The following COL25A1 variants were observed in gnomAD, a reference collection of about 807,000 sequenced individuals.
COL25A1 encodes collagen type XXV alpha 1 chain.
A neutral mutation model predicts 128.4 loss-of-function variants in COL25A1; 103 were observed. That is an observed-to-expected ratio of 0.80 (90% CI 0.68 to 0.94). The LOEUF is 0.94. COL25A1 is among the 40% of genes least tolerant of loss of function. The pLI is 0.00. For synonymous variants in COL25A1, 279 were observed against 277.2 expected (o/e 1.01, Z -0.06); for missense variants, 745 against 840.0 (o/e 0.89, Z 1.40).
intron 3 of COL25A1, among the ~76,000 whole-genome samples, chr4:109,185,911 A>G (rs1775089637): frequency 1.3e-5 from 2 of 152,184 alleles, no homozygotes; most frequent in African/African-American, 4.8e-5. Flanking sequence ...CTAGATCTGG[A>G]CGACTTCCAG....
intron 5 of COL25A1, among the ~76,000 whole-genome samples, chr4:109,034,241 G>C (rs1489846456): frequency 6.6e-6 from 1 of 152,124 alleles, no homozygotes; most frequent in Admixed American, 6.5e-5. Flanking sequence ...TGTCACTCAA[G>C]AAACACATTT....
At chr4:109,218,236 G>C (rs1216390904) in intron 3 of COL25A1, among the ~76,000 whole-genome samples, 1 of 151,800 alleles carries the variant, frequency 6.6e-6, no homozygotes, top group African/African-American at 2.4e-5. Flanking sequence ...TGTTTGACAA[G>C]ATACAATTTG....
chr4:109,073,904 CA>C (rs1763183629), intron 3 of COL25A1, among the ~76,000 whole-genome samples: 1 of 152,104 alleles, frequency 6.6e-6, no homozygotes, highest in Non-Finnish European at 1.5e-5. Flanking sequence ...AATAGAAAAA[CA>C]AAAACAATGT....
At chr4:109,199,161 A>G (rs2126178139) in intron 3 of COL25A1, among the ~76,000 whole-genome samples, 1 of 152,340 alleles carries the variant, frequency 6.6e-6, no homozygotes, top group Admixed American at 6.5e-5. Context: ...TAGTCAACTC[A>G]AAGAAAAATG....
chr4:108,944,775 G>GT (rs1179288246), intron 8 of COL25A1, among the ~76,000 whole-genome samples: 1 of 151,962 alleles, frequency 6.6e-6, no homozygotes, highest in African/African-American at 2.4e-5. Context: ...AATTGGATAG[G>GT]TAATTCTCAC....
intron 3 of COL25A1, among the ~76,000 whole-genome samples, chr4:109,158,103 T>A (rs897212571): frequency 3.9e-4 from 59 of 152,218 alleles, no homozygotes; most frequent in Admixed American, 3.7e-3. Flanking sequence ...CTGTAAAAAA[T>A]TTTCTTTGAA....
chr4:108,886,492 G>GTGTTTTTTTT lies in COL25A1; in HGVS notation c.976-2271_976-2270insAAAAAAAACA, dbSNP rs58157157. On this transcript the variant is annotated intron_variant, in intron 18 of 37. Transcript: ENST00000399132. ...TGTGTGTGTGTGTGTGTGTGTGTGT[G>GTGTTTTTTTT]TTTAGCTCATCAGCTATTTTATGTG... 4.6e-3 allele frequency among the ~76,000 whole-genome samples: 499 copies of GTGTTTTTTTT among 109,266 alleles called. 24 individuals are homozygous for GTGTTTTTTTT. Among genetic ancestry groups the GTGTTTTTTTT allele is most frequent in the Admixed American group, 0.031 (347 of 11,122 alleles). 71.7% of individuals were successfully genotyped at this position (109,266 alleles called of 152,430 possible). A position where few individuals can be genotyped will look rare whatever the true frequency, so the allele number is the denominator to read the frequency against.
At chr4:109,192,288 T>C (rs575224310) in intron 3 of COL25A1, among the ~76,000 whole-genome samples, 4 of 152,032 alleles carry the variant, frequency 2.6e-5, no homozygotes, top group Non-Finnish European at 5.9e-5. Flanking sequence ...CCAGTAATTG[T>C]GTGTAGTAAA....
chr4:108,969,325 A>G (rs376274968), intron 8 of COL25A1, among the ~76,000 whole-genome samples: 1 of 152,230 alleles, frequency 6.6e-6, no homozygotes, highest in African/African-American at 2.4e-5. Context: ...TTCTTGATTC[A>G]GACTCTTTCC....
chr4:108,859,615 AT>A (rs1255136713), intron 24 of COL25A1, 40 bp downstream of exon 24: 6 of 1,567,870 alleles, frequency 3.8e-6, no homozygotes, highest in Non-Finnish European at 5.3e-6. Context: ...GCTCCTCAGC[AT>A]CCTTCTCAGT....
intron 6 of COL25A1, among the ~76,000 whole-genome samples, chr4:108,980,677 A>C (rs1468217087): frequency 6.6e-6 from 1 of 152,218 alleles, no homozygotes; most frequent in Non-Finnish European, 1.5e-5. Context: ...TTCCGTGTTA[A>C]CTTCTGAATA....
At chr4:109,292,482 T>C (rs1347080184) in intron 3 of COL25A1, among the ~76,000 whole-genome samples, 2 of 152,064 alleles carry the variant, frequency 1.3e-5, no homozygotes, top group Admixed American at 6.6e-5. Flanking sequence ...AACATCTTGC[T>C]GTTTTACAGA....
intron 3 of COL25A1, among the ~76,000 whole-genome samples, chr4:109,119,150 T>C (rs560083193): frequency 6.6e-6 from 1 of 152,148 alleles, no homozygotes; most frequent in South Asian, 2.1e-4. Context: ...TGTTTAAATA[T>C]TTTGAACTAA....
At chr4:109,138,839 C>G (rs1770087414) in intron 3 of COL25A1, among the ~76,000 whole-genome samples, 2 of 152,282 alleles carry the variant, frequency 1.3e-5, no homozygotes, top group South Asian at 4.1e-4. Context: ...TCCCGAGTAG[C>G]TGGGACTACA....
At chr4:108,983,717 C>A (rs547138606) in intron 6 of COL25A1, among the ~76,000 whole-genome samples, 1 of 152,066 alleles carries the variant, frequency 6.6e-6, no homozygotes, top group Non-Finnish European at 1.5e-5. Context: ...TGCGGACCTT[C>A]GCAGTGAGTG....
chr4:109,089,773 T>G (rs777367102), intron 3 of COL25A1, among the ~76,000 whole-genome samples: 5 of 152,102 alleles, frequency 3.3e-5, no homozygotes, highest in Admixed American at 1.3e-4. Context: ...GCCTGGCTAA[T>G]TTTTATATTT....
intron 11 of COL25A1, among the ~76,000 whole-genome samples, chr4:108,936,980 C>T (rs1747495742): frequency 6.6e-6 from 1 of 151,990 alleles, no homozygotes; most frequent in Admixed American, 6.6e-5. Context: ...ATGCTGCATG[C>T]CAAACATTAT....
chr4:109,146,861 T>C lies in COL25A1; in HGVS notation c.368-96682A>G, dbSNP rs1012137871. ...TGGATAACTACTGGGCTTAAGAATG[T>C]TGCATCAGTGTGTTCCTGGATTCTG... is the stretch of plus-strand genomic sequence containing the variant. On this transcript the variant is annotated intron_variant, in intron 3 of 37. Transcript: ENST00000399132. 1.1e-4 allele frequency among the ~76,000 whole-genome samples: 16 copies of C among 152,344 alleles called. No individual in the cohort carries two copies. The Middle Eastern group carries it at 0.01, about 97-fold the overall frequency.
intron 11 of COL25A1, among the ~76,000 whole-genome samples, chr4:108,924,302 T>C (rs1745796543): frequency 6.6e-6 from 1 of 152,168 alleles, no homozygotes; most frequent in African/African-American, 2.4e-5. Flanking sequence ...TTATGCAAAA[T>C]AAAGTTCAGA....
Sources: allele counts gnomAD v4.1 joint callset (sites outside exome capture counted in the v4.1 genomes callset), GRCh38; gene constraint gnomAD v4.1.1; transcripts MANE v1.5; gene names NCBI Gene and HGNC (gene_info 2026-07-23, HGNC 2026-07-21).